CNTNAP5: variants seen among roughly 807,000 people sequenced by gnomAD.
CNTNAP5 encodes contactin-associated protein-like 5.
A neutral mutation model predicts 150.2 loss-of-function variants in CNTNAP5; 72 were observed. The observed-to-expected ratio is 0.48, with a 90% confidence interval of 0.40 to 0.58. The LOEUF (loss-of-function observed/expected upper bound fraction) is 0.58. Among genes scored for constraint, CNTNAP5 ranks in the 20% least tolerant of loss-of-function variants. The pLI is 0.00. For synonymous variants in CNTNAP5, 672 were observed against 619.8 expected (o/e 1.08, Z -1.25); for missense variants, 1,636 against 1,626.2 (o/e 1.01, Z -0.10).
At chr2:124,865,757 A>G (rs1677618257) in intron 20 of CNTNAP5, among the ~76,000 whole-genome samples, 1 of 152,044 alleles carries the variant, frequency 6.6e-6, no homozygotes, top group African/African-American at 2.4e-5. Flanking sequence ...CAGCCTGGCC[A>G]AAATAGTGAA....
chr2:124,652,092 A>G (rs1678335702), intron 13 of CNTNAP5, among the ~76,000 whole-genome samples: 2 of 152,074 alleles, frequency 1.3e-5, no homozygotes, highest in South Asian at 4.1e-4. Context: ...GTCTCCTTGG[A>G]TATTTTTTTC....
At chr2:124,330,738 A>G (rs554710580) in intron 3 of CNTNAP5, among the ~76,000 whole-genome samples, 23 of 151,940 alleles carry the variant, frequency 1.5e-4, no homozygotes, top group Non-Finnish European at 3.1e-4. Flanking sequence ...GAACAGACCA[A>G]TACAAATAAT....
intron 12 of CNTNAP5, among the ~76,000 whole-genome samples, chr2:124,616,010 C>T (rs1302525516): frequency 6.6e-6 from 1 of 152,100 alleles, no homozygotes; most frequent in Non-Finnish European, 1.5e-5. Context: ...GTAAACCATG[C>T]TGTCAACAAA....
chr2:124,458,122 A>G (rs2104817482), intron 6 of CNTNAP5, among the ~76,000 whole-genome samples: 1 of 140,196 alleles, frequency 7.1e-6, no homozygotes, highest in Admixed American at 7.6e-5. Context: ...ACACATGTTT[A>G]TAGCAGCACA....
At chr2:124,477,105 A>C (rs972255253) in intron 7 of CNTNAP5, among the ~76,000 whole-genome samples, 2 of 152,140 alleles carry the variant, frequency 1.3e-5, no homozygotes, top group Non-Finnish European at 2.9e-5. Flanking sequence ...TGTACTTAGC[A>C]GAATAAATAG....
At chr2:124,743,865 TA>T (rs1303680716) in intron 13 of CNTNAP5, among the ~76,000 whole-genome samples, 1 of 152,192 alleles carries the variant, frequency 6.6e-6, no homozygotes, top group Admixed American at 6.5e-5. Context: ...CCATAGATTC[TA>T]AAAAAATGCC....
intron 3 of CNTNAP5, among the ~76,000 whole-genome samples, chr2:124,394,476 C>T (rs1691197683): frequency 1.3e-5 from 2 of 151,978 alleles, no homozygotes; most frequent in African/African-American, 4.8e-5. Context: ...TGAGACATCC[C>T]TGGACATCCC....
At chr2:124,661,724 G>A (rs548275663) in intron 13 of CNTNAP5, among the ~76,000 whole-genome samples, 135 of 152,158 alleles carry the variant, frequency 8.9e-4, no homozygotes, top group African/African-American at 3.1e-3. Context: ...TGGCAACAAA[G>A]TAGATTTGTT....
intron 1 of CNTNAP5, among the ~76,000 whole-genome samples, chr2:124,199,292 A>T (rs1326199849): frequency 6.6e-6 from 1 of 151,908 alleles, no homozygotes; most frequent in Admixed American, 6.6e-5. Flanking sequence ...ACAATTGCAA[A>T]CTTTATGGTA....
At chr2:124,531,918 A>G (rs746460380) in intron 10 of CNTNAP5, among the ~76,000 whole-genome samples, 1 of 152,198 alleles carries the variant, frequency 6.6e-6, no homozygotes, top group Non-Finnish European at 1.5e-5. Flanking sequence ...CTGAACAGAC[A>G]CTCAGTTTAG....
intron 11 of CNTNAP5, among the ~76,000 whole-genome samples, chr2:124,606,535 T>A (rs1218172109): frequency 2.0e-5 from 3 of 151,690 alleles, no homozygotes; most frequent in African/African-American, 7.3e-5. Flanking sequence ...AAAAAAAAAA[T>A]CAGGTATACA....
At position 124,249,990 on chromosome 2, in the gene CNTNAP5, T is replaced by C. The variant is rs1236810478; in HGVS notation, c.381+7597T>C. Among the ~76,000 whole-genome samples, 4 of 34,518 alleles carry C rather than the reference T, an allele frequency of 1.2e-4. No individual in the cohort carries two copies. The East Asian group carries it at 4.9e-3, about 43-fold the overall frequency. 22.6% of individuals were successfully genotyped at this position (34,518 alleles called of 152,430 possible). A position where few individuals can be genotyped will look rare whatever the true frequency, so the allele number is the denominator to read the frequency against. Reference sequence around the variant, plus strand: ...GTGTGTGTGTGTGTGTGTGTGTGTGTGTATGTGTTTCTTTGTTGTTGTTTT... The same window carrying C: ...GTGTGTGTGTGTGTGTGTGTGTGTGCGTATGTGTTTCTTTGTTGTTGTTTT... On this transcript the variant is annotated intron_variant, in intron 3 of 23. Transcript: ENST00000682447.
chr2:124,704,289 A>T (rs566739933), intron 13 of CNTNAP5, among the ~76,000 whole-genome samples: 143 of 152,316 alleles, frequency 9.4e-4, no homozygotes, highest in African/African-American at 3.2e-3. Context: ...GGGCTTTGCC[A>T]TCTGGACAAG....
intron 13 of CNTNAP5, among the ~76,000 whole-genome samples, chr2:124,737,993 G>C (rs1260944622): frequency 6.6e-6 from 1 of 152,082 alleles, no homozygotes; most frequent in African/African-American, 2.4e-5. Flanking sequence ...AGTATCATGA[G>C]TCTAAATATA....
chr2:124,502,439 C>T (rs150513873), intron 7 of CNTNAP5, among the ~76,000 whole-genome samples: 1,861 of 152,236 alleles, frequency 0.012, 36 homozygotes, highest in African/African-American at 0.042. Context: ...TTAGATAACT[C>T]CTGGAAAGGG....
At chr2:124,062,233 T>C (rs1356047110) in intron 1 of CNTNAP5, among the ~76,000 whole-genome samples, 1 of 152,262 alleles carries the variant, frequency 6.6e-6, no homozygotes, top group Non-Finnish European at 1.5e-5. Flanking sequence ...ATTTGGCTTA[T>C]ATGAACTGCT....
intron 13 of CNTNAP5, among the ~76,000 whole-genome samples, chr2:124,700,327 CACT>C (rs949301700): frequency 4.6e-5 from 7 of 152,146 alleles, no homozygotes; most frequent in African/African-American, 1.7e-4. Context: ...CTATGAATAT[CACT>C]ACAAGTTTTT....
At chr2:124,638,650 G>T (rs1478249191) in intron 12 of CNTNAP5, among the ~76,000 whole-genome samples, 1 of 152,014 alleles carries the variant, frequency 6.6e-6, no homozygotes, top group African/African-American at 2.4e-5. Flanking sequence ...GAGACATTTT[G>T]CTCTCATTCC....
At chr2:124,540,889 G>A (rs1695366430) in intron 10 of CNTNAP5, among the ~76,000 whole-genome samples, 1 of 152,114 alleles carries the variant, frequency 6.6e-6, no homozygotes, top group South Asian at 2.1e-4. Context: ...GTGTCCTCAT[G>A]CACATAAATA....
Sources: allele counts gnomAD v4.1 joint callset (sites outside exome capture counted in the v4.1 genomes callset), GRCh38; gene constraint gnomAD v4.1.1; transcripts MANE v1.5; gene names NCBI Gene and HGNC (gene_info 2026-07-23, HGNC 2026-07-21).